Variants in CALCR observed in about 807,000 individuals in gnomAD.
The protein encoded by CALCR is calcitonin receptor.
Under a neutral mutation model 59.5 loss-of-function variants are expected in CALCR, and 47 were observed. The ratio of observed to expected loss-of-function variants is 0.79; its 90% CI spans 0.63 to 1.01. The LOEUF (loss-of-function observed/expected upper bound fraction) is 1.01, where lower values mean the gene tolerates loss of function less well. CALCR is among the 50% of genes least tolerant of loss of function. The pLI, the probability that CALCR is intolerant of heterozygous loss-of-function variation, is 0.00. For synonymous variants in CALCR, 213 were observed against 211.3 expected, an observed-to-expected ratio of 1.01 and a Z score of -0.07; for missense variants, 566 against 597.1, an observed-to-expected ratio of 0.95 and a Z score of 0.54.
At chr7:93,517,935 CA>C (rs1299924492) in intron 2 of CALCR, among the ~76,000 whole-genome samples, 1 of 151,768 alleles carries the variant, frequency 6.6e-6, no homozygotes, top group African/African-American at 2.4e-5. Context: ...TTGGTAGGGA[CA>C]AGATGGGTTA....
At chr7:93,508,387 G>T (rs906793888) in intron 2 of CALCR, among the ~76,000 whole-genome samples, 3 of 152,244 alleles carry the variant, frequency 2.0e-5, no homozygotes, top group South Asian at 2.1e-4. Context: ...TCACAAAGGA[G>T]GGTGGAACAT....
intron 2 of CALCR, among the ~76,000 whole-genome samples, chr7:93,561,579 A>G (rs1042591491): frequency 1.4e-4 from 22 of 152,310 alleles, no homozygotes; most frequent in African/African-American, 4.6e-4. Context: ...TATCACCATC[A>G]TTAGATAAAA....
At chr7:93,470,801 T>C (rs1800534667) in intron 6 of CALCR, among the ~76,000 whole-genome samples, 1 of 151,770 alleles carries the variant, frequency 6.6e-6, no homozygotes, top group African/African-American at 2.4e-5. Flanking sequence ...ATACTTTAAG[T>C]TTTAGGGTAC....
intron 7 of CALCR, among the ~76,000 whole-genome samples, chr7:93,461,796 T>C (rs964108583): frequency 2.6e-5 from 4 of 152,200 alleles, no homozygotes; most frequent in Non-Finnish European, 5.9e-5. Flanking sequence ...TTTCATTTTT[T>C]GATGCAATAG....
chr7:93,438,072 C>A lies in CALCR; in HGVS notation c.918G>T (p.Met306Ile), dbSNP rs371024671. Residue 306 changes from methionine (M) to isoleucine (I), a missense_variant, in exon 11 of 14, where the codon ATG becomes ATT. Met to Ile is a conservative substitution (Grantham distance 10, BLOSUM62 1). Transcript: ENST00000426151. ...AACTAATTCTCACCACAAGTGCCGC[C>A]ATGACAGGTCCATGGATTATGTAAA... ...HLLYIIHGPV[M>I]AALVVNFFFL... 2.5e-6 allele frequency: 4 copies of A among 1,613,622 alleles called. No homozygotes were observed. The highest frequency in any genetic ancestry group is 8.5e-7 in the Non-Finnish European group (1 of 1,179,788).
intron 2 of CALCR, among the ~76,000 whole-genome samples, chr7:93,540,338 T>C (rs921016493): frequency 6.6e-6 from 1 of 152,168 alleles, no homozygotes; most frequent in Non-Finnish European, 1.5e-5. Flanking sequence ...CACTCTGTTT[T>C]TGGTAAAATT....
At position 93,555,840 on chromosome 7, in the gene CALCR, C is replaced by A. The variant is rs1323702201; in HGVS notation, c.-27+18449G>T. Reference sequence around the variant, plus strand: ...AACTAGACTTGGGCTGATCAGTGGACAGATATTTATCGCATTTATGAATGA... The same window carrying A: ...AACTAGACTTGGGCTGATCAGTGGAAAGATATTTATCGCATTTATGAATGA... On this transcript the variant is annotated intron_variant, in intron 2 of 13. Coordinates refer to ENST00000426151, the MANE Select transcript of CALCR (RefSeq NM_001742.4). Among the ~76,000 whole-genome samples, 5 of 152,102 alleles carry A rather than the reference C, an allele frequency of 3.3e-5. No individual in the cohort carries two copies. The East Asian group carries it at 7.7e-4, about 23-fold the overall frequency.
Position 93,426,013 on chromosome 7 carries a change from G to A in CALCR, c.*343C>T, listed in dbSNP as rs1799518071. 5.6e-6 allele frequency: 1 copy of A among 178,472 alleles called. No homozygotes were observed. Among genetic ancestry groups the A allele is most frequent in the Non-Finnish European group, 1.2e-5 (1 of 86,064 alleles). The allele number at this position is 178,472 out of a possible 1,614,324, so 11.1% of individuals were successfully genotyped here. A position where few individuals can be genotyped will look rare whatever the true frequency, so the allele number is the denominator to read the frequency against. ...TTGACAGTGATTTTAATATTTCAAAGGTATAAATGGCTCAGTATTGACAAG... is the reference window on the plus strand; with the variant it reads ...TTGACAGTGATTTTAATATTTCAAAAGTATAAATGGCTCAGTATTGACAAG... On this transcript the variant is annotated 3_prime_UTR_variant, in exon 14 of 14. Transcript: ENST00000426151.
chr7:93,473,395 T>A (rs752934812), intron 5 of CALCR, among the ~76,000 whole-genome samples: 1 of 151,766 alleles, frequency 6.6e-6, no homozygotes, highest in Non-Finnish European at 1.5e-5. Context: ...TGATTCCAAA[T>A]CTATTGCAGA....
chr7:93,438,159 A>C, intron 10 of CALCR, 33 bp from the exon 11 acceptor site: 1 of 1,612,658 alleles, frequency 6.2e-7, no homozygotes, highest in Non-Finnish European at 8.5e-7. Flanking sequence ...TTAATACACA[A>C]ATACATTTTG....
intron 2 of CALCR, among the ~76,000 whole-genome samples, chr7:93,524,466 A>G (rs1490995502): frequency 6.6e-6 from 1 of 152,052 alleles, no homozygotes; most frequent in Non-Finnish European, 1.5e-5. Context: ...CACCGTGCCC[A>G]GCCTGGTTTT....
At chr7:93,505,052 A>G (rs1801398185) in intron 2 of CALCR, among the ~76,000 whole-genome samples, 1 of 152,136 alleles carries the variant, frequency 6.6e-6, no homozygotes, top group African/African-American at 2.4e-5. Context: ...TAATAAAAAG[A>G]AGTGTCAAGG....
chr7:93,529,615 T>G (rs144575437), intron 2 of CALCR, among the ~76,000 whole-genome samples: 10 of 152,320 alleles, frequency 6.6e-5, no homozygotes, highest in African/African-American at 1.7e-4. Context: ...AGACGTCAGA[T>G]AGCTTTTCAT....
rs1800574736 is a variant in CALCR at position 93,472,462 on chromosome 7, T to C, written c.342A>G (p.Glu114=). 1 of 1,606,380 alleles carries C rather than the reference T, an allele frequency of 6.2e-7. No individual in the cohort carries two copies. Among genetic ancestry groups the C allele is most frequent in the Non-Finnish European group, 8.5e-7 (1 of 1,173,832 alleles). Residue 114 remains glutamate (E), a synonymous_variant, in exon 6 of 14, where the codon GAA becomes GAG. Coordinates refer to ENST00000426151, the MANE Select transcript of CALCR (RefSeq NM_001742.4). ...PSEKVTKYCD[E]KGVWFKHPEN... ...CAGGATGTTTAAACCAAACACCTTT[T>C]TCATCACAGTATTTTGTAACCTTTT...
intron 9 of CALCR, 150 bp downstream of exon 9, chr7:93,443,454 G>C (rs1371761129): frequency 1.5e-6 from 1 of 676,600 alleles, no homozygotes; most frequent in Non-Finnish European, 2.5e-6. Context: ...AGGTCTTTTG[G>C]AGACTGAACT....
chr7:93,538,309 A>T (rs1438930873), intron 2 of CALCR, among the ~76,000 whole-genome samples: 1 of 152,026 alleles, frequency 6.6e-6, no homozygotes, highest in Non-Finnish European at 1.5e-5. Flanking sequence ...TATCTAGTTT[A>T]TTCCTACCCT....
chr7:93,444,531 C>CG (rs1562976300), intron 8 of CALCR, among the ~76,000 whole-genome samples: 1 of 151,892 alleles, frequency 6.6e-6, no homozygotes, highest in African/African-American at 2.4e-5. Flanking sequence ...GTTGTTGTTG[C>CG]GGGGGCTGCC....
In CALCR at chr7:93,505,009, C is replaced by G. The variant is rs79204028; in HGVS notation, c.-26-18002G>C. Among the ~76,000 whole-genome samples, 557 of 152,112 alleles carry G rather than the reference C, an allele frequency of 3.7e-3. 1 individual carries two copies. The highest frequency in any genetic ancestry group is 6.0e-3 in the Non-Finnish European group (411 of 68,006). On this transcript the variant is annotated intron_variant, in intron 2 of 13. Coordinates refer to ENST00000426151, the MANE Select transcript of CALCR (RefSeq NM_001742.4). ...GGCCCCTATGGAAATTTATGTCTGCCACTCCTGATATAGTCCCACCACCTA... is the reference window on the plus strand; with the variant it reads ...GGCCCCTATGGAAATTTATGTCTGCGACTCCTGATATAGTCCCACCACCTA...
At chr7:93,564,804 T>C (rs1361194152) in intron 2 of CALCR, among the ~76,000 whole-genome samples, 1 of 152,046 alleles carries the variant, frequency 6.6e-6, no homozygotes, top group East Asian at 1.9e-4. Flanking sequence ...ACTGTCATAC[T>C]TTGCAGAAAG....
Sources: allele counts gnomAD v4.1 joint callset (sites outside exome capture counted in the v4.1 genomes callset), GRCh38; gene constraint gnomAD v4.1.1; transcripts MANE v1.5; gene names NCBI Gene and HGNC (gene_info 2026-07-23, HGNC 2026-07-21).